CCDC175: variants seen among roughly 807,000 people sequenced by gnomAD.
CCDC175 encodes the protein coiled-coil domain-containing protein 175.
A neutral mutation model predicts 114.6 loss-of-function variants in CCDC175; 100 were observed. The observed-to-expected ratio is 0.87, with a 90% confidence interval of 0.74 to 1.03. The LOEUF is 1.03. Among genes scored for constraint, CCDC175 ranks in the 50% least tolerant of loss-of-function variants. The probability of loss-of-function intolerance (pLI) is 0.00; values close to 1 mark genes in which losing one functional copy is unlikely to be tolerated. For missense variants in CCDC175, 880 were observed against 917.8 expected, an observed-to-expected ratio of 0.96 and a Z score of 0.53; for synonymous variants, 306 against 308.7, an observed-to-expected ratio of 0.99 and a Z score of 0.09.
chr14:59,568,258 T>C lies in CCDC175; in HGVS notation c.478A>G (p.Asn160Asp), dbSNP rs1044924109. Residue 160 changes from asparagine (N) to aspartate (D), a missense_variant, in exon 4 of 20, where the codon AAT (asparagine) becomes GAT (aspartate). Asn to Asp is a conservative substitution (Grantham distance 23, BLOSUM62 1). Coordinates refer to ENST00000537690, the MANE Select transcript of CCDC175 (RefSeq NM_001164399.2). ...AAGAATACCTACCCCAGAGCTTCATTATATTTTGTCAGGTCAGTTATTTTC... is the reference window on the plus strand; with the variant it reads ...AAGAATACCTACCCCAGAGCTTCATCATATTTTGTCAGGTCAGTTATTTTC... ...KKKITDLTKYNEALGEKQEEL... is the reference protein window; with the variant it reads ...KKKITDLTKYDEALGEKQEEL... 1.3e-6 allele frequency: 2 copies of C among 1,529,826 alleles called. No individual in the cohort carries two copies. Among genetic ancestry groups the C allele is most frequent in the African/African-American group, 2.8e-5 (2 of 72,394 alleles). 94.8% of individuals were successfully genotyped at this position (1,529,826 alleles called of 1,614,324 possible). A position where few individuals can be genotyped will look rare whatever the true frequency, so the allele number is the denominator to read the frequency against.
At chr14:59,543,571 TA>T (rs1479705523) in intron 9 of CCDC175, 117 bp from the exon 10 acceptor site, 6 of 419,820 alleles carry the variant, frequency 1.4e-5, no homozygotes, top group African/African-American at 4.1e-5. Context: ...CATAAATTAT[TA>T]AAAAATAGAA....
At chr14:59,519,070 A>C (rs1024183303) in intron 17 of CCDC175, among the ~76,000 whole-genome samples, 2 of 152,188 alleles carry the variant, frequency 1.3e-5, no homozygotes, top group African/African-American at 4.8e-5. Context: ...TTGCAAGGAC[A>C]AAAAACCAAA....
chr14:59,540,549 A>G (rs887844172), intron 11 of CCDC175, 126 bp downstream of exon 11: 11 of 1,095,124 alleles, frequency 1.0e-5, no homozygotes, highest in Admixed American at 8.5e-5. Context: ...ATTTACACAT[A>G]ATTTAGGAAA....
intron 13 of CCDC175, among the ~76,000 whole-genome samples, chr14:59,533,071 T>G (rs1894161637): frequency 6.6e-6 from 1 of 152,190 alleles, no homozygotes; most frequent in Non-Finnish European, 1.5e-5. Context: ...GACCAGTGGC[T>G]GTTTCCTTCA....
intron 19 of CCDC175, among the ~76,000 whole-genome samples, chr14:59,509,607 G>A (rs1892639718): frequency 6.6e-6 from 1 of 152,114 alleles, no homozygotes; most frequent in Non-Finnish European, 1.5e-5. Context: ...CGACCTCCCA[G>A]GCTCAAGCAA....
intron 17 of CCDC175, among the ~76,000 whole-genome samples, chr14:59,520,595 T>C (rs538308705): frequency 6.6e-6 from 1 of 152,236 alleles, no homozygotes; most frequent in East Asian, 1.9e-4. Flanking sequence ...CTGGAAATAA[T>C]CTAAATGTCT....
At chr14:59,520,260 A>G (rs1419430622) in intron 17 of CCDC175, among the ~76,000 whole-genome samples, 2 of 152,242 alleles carry the variant, frequency 1.3e-5, no homozygotes, top group Non-Finnish European at 2.9e-5. Context: ...ATGCCATTAC[A>G]TACCTATTAA....
At chr14:59,511,302 A>G (rs527889093) in intron 18 of CCDC175, among the ~76,000 whole-genome samples, 15 of 152,278 alleles carry the variant, frequency 9.9e-5, no homozygotes, top group African/African-American at 3.6e-4. Context: ...TTATGTGTAA[A>G]CTTTAAATAC....
At chr14:59,573,618 G>GTTTTTTT (rs71111652) in intron 2 of CCDC175, among the ~76,000 whole-genome samples, 1 of 108,932 alleles carries the variant, frequency 9.2e-6, no homozygotes, top group Non-Finnish European at 1.9e-5. Flanking sequence ...TTGTTTTTTT[G>GTTTTTTT]TTTTTTTTTT....
chr14:59,562,663 T>G lies in CCDC175; in HGVS notation c.843+1074A>C, dbSNP rs370383864. Among the ~76,000 whole-genome samples the G allele has an allele frequency of 3.6e-4, 55 of 152,222 alleles. 2 individuals are homozygous for G. The highest frequency in any genetic ancestry group is 1.5e-3 in the Admixed American group (23 of 15,270). On this transcript the variant is annotated intron_variant, in intron 6 of 19. Coordinates refer to ENST00000537690, the MANE Select transcript of CCDC175 (RefSeq NM_001164399.2). ...TTTACTCCTGCCGCCTTCAAAATAATTTGGGCTTAGAGATCTTCGGAGTAC... is the reference window on the plus strand; with the variant it reads ...TTTACTCCTGCCGCCTTCAAAATAAGTTGGGCTTAGAGATCTTCGGAGTAC...
rs4394993 is a variant in CCDC175, at chr14:59,521,605, G to A, written c.2067C>T (p.Ser689=). The change falls in exon 17 of 20, where the codon AGC becomes AGT. Residue 689 remains serine (S), a synonymous_variant. Coordinates refer to ENST00000537690, the MANE Select transcript of CCDC175 (RefSeq NM_001164399.2). The part of the protein sequence containing the change: ...EGQEALMHTS[S]DLSRQLIAQE... Reference sequence around the variant, plus strand: ...GAGCTATTAGTTGCCGAGACAAGTCGCTTGAGGTGTGCATGAGGGCTTCTT... The same window carrying A: ...GAGCTATTAGTTGCCGAGACAAGTCACTTGAGGTGTGCATGAGGGCTTCTT... The A allele has an allele frequency of 5.1e-5, 78 of 1,535,154 alleles. No individual in the cohort carries two copies. Among genetic ancestry groups the A allele is most frequent in the Middle Eastern group, 1.7e-4 (1 of 5,990 alleles).
intron 19 of CCDC175, among the ~76,000 whole-genome samples, chr14:59,508,944 G>A (rs1028912753): frequency 6.6e-6 from 1 of 152,158 alleles, no homozygotes; most frequent in African/African-American, 2.4e-5. Context: ...AACTAAGACA[G>A]TGCCTGGCTC....
At position 59,521,134 on chromosome 14, in the gene CCDC175, G is replaced by A. The variant is rs143731737; in HGVS notation, c.2098+440C>T. On this transcript the variant is annotated intron_variant, in intron 17 of 19. Transcript: ENST00000537690. ...CCAAAGGAGATTCACATTTGAGTCT[G>A]TGGATTGGGAGAGGCAAACCCACTC... 6.8e-3 allele frequency among the ~76,000 whole-genome samples: 1,033 copies of A among 152,288 alleles called. 9 individuals are homozygous for A. The highest frequency in any genetic ancestry group is 8.2e-3 in the Admixed American group (126 of 15,296).
chr14:59,571,545 A>G (rs534500739), intron 3 of CCDC175, among the ~76,000 whole-genome samples: 3 of 152,352 alleles, frequency 2.0e-5, no homozygotes, highest in South Asian at 4.1e-4. Flanking sequence ...GGAAATGCAA[A>G]TCAAATCACA....
At position 59,508,588 on chromosome 14, in the gene CCDC175, G is replaced by A. The variant is rs61985515; in HGVS notation, c.2305+2058C>T. 3.4e-3 allele frequency among the ~76,000 whole-genome samples: 317 copies of A among 92,978 alleles called. 7 individuals carry two copies. The highest frequency in any genetic ancestry group is 0.015 in the South Asian group (45 of 2,942). The allele number at this position is 92,978 out of a possible 152,430, so 61.0% of individuals were successfully genotyped here. On this transcript the variant is annotated intron_variant, in intron 19 of 19. Coordinates refer to ENST00000537690, the MANE Select transcript of CCDC175 (RefSeq NM_001164399.2). ...CTCAAAAAAAAAAAAAAAAAAAAGAGAGAAAAGCAAGTAATCCTGGCTGCT... is the reference window on the plus strand; with the variant it reads ...CTCAAAAAAAAAAAAAAAAAAAAGAAAGAAAAGCAAGTAATCCTGGCTGCT...
At chr14:59,574,631 A>G (rs972781266) in intron 2 of CCDC175, among the ~76,000 whole-genome samples, 1 of 152,246 alleles carries the variant, frequency 6.6e-6, no homozygotes, top group East Asian at 1.9e-4. Context: ...TGGTGTCCCA[A>G]GCATTTGCCC....
intron 2 of CCDC175, 59 bp downstream of exon 2, chr14:59,574,884 G>C (rs1897021289): frequency 1.1e-6 from 1 of 920,132 alleles, no homozygotes; most frequent in Non-Finnish European, 1.6e-6. Context: ...GGTGCGAAAT[G>C]AAAGTTTGAA....
intron 7 of CCDC175, 116 bp from the exon 8 acceptor site, chr14:59,551,552 G>A: frequency 2.0e-6 from 1 of 505,012 alleles, no homozygotes; most frequent in East Asian, 3.3e-5. Context: ...TGACACAGAA[G>A]ATGGGTGATT....
Position 59,534,104 on chromosome 14 carries a change from G to A in CCDC175, c.1624-2194C>T, listed in dbSNP as rs142784441. The stretch of plus-strand genomic sequence containing the variant: ...CATGCATTAATTCATTCCATTGCCT[G>A]TATGCAGCTCAGGTTCCCAGGGCTG... On this transcript the variant is annotated intron_variant, in intron 13 of 19. Coordinates refer to ENST00000537690, the MANE Select transcript of CCDC175 (RefSeq NM_001164399.2). Among the ~76,000 whole-genome samples the A allele has an allele frequency of 2.6e-4, 39 of 151,898 alleles. No individual in the cohort carries two copies. In the East Asian group the frequency reaches 7.5e-3, roughly 29 times the overall value.
Sources: gnomAD v4.1 joint callset for allele counts (sites outside exome capture counted in the v4.1 genomes callset) on GRCh38, gnomAD v4.1.1 for gene constraint, MANE v1.5 for transcripts, NCBI Gene and HGNC (gene_info 2026-07-23, HGNC 2026-07-21) for gene names.